Variants in GCNT1 observed in about 807,000 individuals in gnomAD.
The protein encoded by GCNT1 is beta-1,3-galactosyl-O-glycosyl-glycoprotein beta-1,6-N-acetylglucosaminyltransferase.
A neutral mutation model predicts 26.2 loss-of-function variants in GCNT1; 16 were observed. The observed-to-expected ratio is 0.61, with a 90% CI of 0.41 to 0.93. GCNT1 has a LOEUF of 0.93. Ranked by LOEUF, GCNT1 falls within the 40% of genes least tolerant of loss-of-function variation. The pLI, the probability that GCNT1 is intolerant of heterozygous loss-of-function variation, is 0.00. For synonymous variants in GCNT1, 183 were observed against 190.8 expected, an observed-to-expected ratio of 0.96 and a Z score of 0.34; for missense variants, 477 against 526.7, an observed-to-expected ratio of 0.91 and a Z score of 0.92.
At chr9:76,428,302 A>AAAAAAAAAAAAAAAAAAAG (rs1222053703) in intron 1 of GCNT1, among the ~76,000 whole-genome samples, 35 of 149,426 alleles carry the variant, frequency 2.3e-4, no homozygotes, top group African/African-American at 3.2e-4. Flanking sequence ...TAAAAAAAAA[A>AAAAAAAAAAAAAAAAAAAG]AGAGAGAGAG....
At chr9:76,429,566 A>G (rs1823306318) in intron 1 of GCNT1, among the ~76,000 whole-genome samples, 1 of 152,034 alleles carries the variant, frequency 6.6e-6, no homozygotes, top group Non-Finnish European at 1.5e-5. Context: ...TGGATTTTCT[A>G]AGATAGTTTA....
At chr9:76,491,968 A>G (rs1824750651) in intron 2 of GCNT1, among the ~76,000 whole-genome samples, 1 of 152,166 alleles carries the variant, frequency 6.6e-6, no homozygotes, top group Non-Finnish European at 1.5e-5. Flanking sequence ...TATTATTTTG[A>G]TAGCCTCTGA....
chr9:76,490,461 G>T (rs934419845), intron 2 of GCNT1, among the ~76,000 whole-genome samples: 11 of 152,204 alleles, frequency 7.2e-5, no homozygotes, highest in African/African-American at 2.4e-4. Context: ...GGTATTAGTT[G>T]TATGGCCCTG....
intron 1 of GCNT1, among the ~76,000 whole-genome samples, chr9:76,442,490 G>A (rs555532908): frequency 6.6e-6 from 1 of 152,232 alleles, no homozygotes; most frequent in Admixed American, 6.5e-5. Context: ...AGACCAGCCT[G>A]GCCAACATGG....
Position 76,466,050 on chromosome 9 carries a change from A to G in GCNT1, c.-290+5873A>G, listed in dbSNP as rs149473530. On this transcript the variant is annotated intron_variant, in intron 2 of 3. Coordinates refer to ENST00000376730, the MANE Select transcript of GCNT1 (RefSeq NM_001490.5). The stretch of plus-strand genomic sequence containing the variant: ...TGGAAGAGATCTGGGGTGGAGATAC[A>G]TGTTTGGGAGCTGTTGCATGTAAGT... 1.4e-3 allele frequency among the ~76,000 whole-genome samples: 210 copies of G among 152,270 alleles called. 1 individual carries two copies. The highest frequency in any genetic ancestry group is 5.0e-3 in the African/African-American group (206 of 41,552).
intron 2 of GCNT1, among the ~76,000 whole-genome samples, chr9:76,471,095 C>G (rs558363309): frequency 1.3e-5 from 2 of 152,218 alleles, no homozygotes; most frequent in Non-Finnish European, 2.9e-5. Context: ...GGTTCTCACA[C>G]TACTTATGCT....
At chr9:76,394,031 C>T in the GCNT1 span, 43,066 of 1,502,286 alleles carry the variant, frequency 0.029, 755 homozygotes, top group Non-Finnish European at 0.033. Flanking sequence ...CCCCGGCTGC[C>T]GTCTCTCCCC....
At chr9:76,423,442 G>T (rs529221836) in intron 1 of GCNT1, among the ~76,000 whole-genome samples, 3 of 152,332 alleles carry the variant, frequency 2.0e-5, no homozygotes, top group African/African-American at 7.2e-5. Context: ...CTTGCAAGAT[G>T]CTGGCCCCAT....
chr9:76,503,101 C>T lies in GCNT1; in HGVS notation c.720C>T (p.Asn240=), dbSNP rs1159661129. 1 of 1,613,990 alleles carries T rather than the reference C, an allele frequency of 6.2e-7. No individual in the cohort carries two copies. The highest frequency in any genetic ancestry group is 8.5e-7 in the Non-Finnish European group (1 of 1,180,038). ...AGCTCAAGTTGTTAATGGGAGAAAACAACCTGGAAACGGAGAGGATGCCAT... is the reference window on the plus strand; with the variant it reads ...AGCTCAAGTTGTTAATGGGAGAAAATAACCTGGAAACGGAGAGGATGCCAT... ...VRKLKLLMGE[N]NLETERMPSH... The change falls in exon 4 of 4, where the codon AAC becomes AAT. Residue 240 remains asparagine, a synonymous_variant. Coordinates refer to ENST00000376730, the MANE Select transcript of GCNT1 (RefSeq NM_001490.5).
intron 2 of GCNT1, among the ~76,000 whole-genome samples, chr9:76,485,975 G>T (rs900991999): frequency 6.6e-6 from 1 of 152,170 alleles, no homozygotes; most frequent in Non-Finnish European, 1.5e-5. Context: ...CAAGTGATCT[G>T]CCTGCCTCGG....
intron 2 of GCNT1, among the ~76,000 whole-genome samples, chr9:76,464,424 C>T (rs918903421): frequency 2.0e-5 from 3 of 152,040 alleles, no homozygotes; most frequent in African/African-American, 7.2e-5. Flanking sequence ...GCCATGTTGC[C>T]CAGGCTGGTC....
intron 1 of GCNT1, among the ~76,000 whole-genome samples, chr9:76,427,962 A>G (rs1823277978): frequency 6.6e-6 from 1 of 152,112 alleles, no homozygotes; most frequent in South Asian, 2.1e-4. Context: ...AGACTGGGCA[A>G]CAGAGCAAGA....
intron 2 of GCNT1, among the ~76,000 whole-genome samples, chr9:76,476,708 A>C (rs1824261174): frequency 6.6e-6 from 1 of 152,172 alleles, no homozygotes; most frequent in Non-Finnish European, 1.5e-5. Flanking sequence ...CTTTAAGCAA[A>C]TTGGGGTAAC....
chr9:76,504,936 C>G lies in GCNT1; in HGVS notation c.*1268C>G. On this transcript the variant is annotated 3_prime_UTR_variant, in exon 4 of 4. Transcript: ENST00000376730. ...AGATTTTTTTTTTTGTTTTTGGTAT[C>G]ATTCACAGCATACGATTTTTACTCT... 2.4e-6 allele frequency: 1 copy of G among 412,880 alleles called. No homozygotes were observed. The highest frequency in any genetic ancestry group is 4.4e-6 in the Non-Finnish European group (1 of 226,028). 25.6% of individuals were successfully genotyped at this position (412,880 alleles called of 1,614,324 possible). A position where few individuals can be genotyped will look rare whatever the true frequency, so the allele number is the denominator to read the frequency against.
intron 2 of GCNT1, among the ~76,000 whole-genome samples, chr9:76,478,189 T>G (rs506469): frequency 0.52 from 78,560 of 151,920 alleles, 22,073 homozygotes; most frequent in Non-Finnish European, 0.61. Context: ...TCCTTCCATG[T>G]AGTGGAAACT....
At chr9:76,396,085 G>T in the GCNT1 span, among the ~76,000 whole-genome samples, 3 of 152,172 alleles carry the variant, frequency 2.0e-5, no homozygotes, top group Admixed American at 6.5e-5. Context: ...GAAAAGCCTG[G>T]AGGTGAGAAC....
At chr9:76,430,712 C>G (rs988742199) in intron 1 of GCNT1, among the ~76,000 whole-genome samples, 2 of 151,498 alleles carry the variant, frequency 1.3e-5, no homozygotes, top group African/African-American at 4.9e-5. Context: ...GAGACCAAGT[C>G]TCACTCAATG....
At chr9:76,445,427 A>T (rs931317310) in intron 1 of GCNT1, among the ~76,000 whole-genome samples, 2 of 151,680 alleles carry the variant, frequency 1.3e-5, no homozygotes, top group Non-Finnish European at 2.9e-5. Context: ...TCACTCTTTC[A>T]CCCAGGCTGG....
the GCNT1 span, among the ~76,000 whole-genome samples, chr9:76,404,225 G>A: frequency 1.3e-5 from 2 of 152,058 alleles, no homozygotes; most frequent in Non-Finnish European, 2.9e-5. Flanking sequence ...AATTACTGGT[G>A]TTTCCCTCCT....
Sources: allele counts gnomAD v4.1 joint callset (sites outside exome capture counted in the v4.1 genomes callset), GRCh38; gene constraint gnomAD v4.1.1; transcripts MANE v1.5; gene names NCBI Gene and HGNC (gene_info 2026-07-23, HGNC 2026-07-21).